Variants in IGF1R observed in about 807,000 individuals in gnomAD.
IGF1R encodes the protein insulin like growth factor 1 receptor.
Under a neutral mutation model 144.6 loss-of-function variants are expected in IGF1R, and 44 were observed. The observed-to-expected ratio is 0.30, with a 90% CI of 0.24 to 0.39. The LOEUF is 0.39. Among genes scored for constraint, IGF1R ranks in the 10% least tolerant of loss-of-function variants. The probability of loss-of-function intolerance (pLI) is 1.00; values close to 1 mark genes in which losing one functional copy is unlikely to be tolerated. For synonymous variants in IGF1R, 795 were observed against 722.8 expected, an observed-to-expected ratio of 1.10 and a Z score of -1.60; for missense variants, 1,355 against 1,833.7, an observed-to-expected ratio of 0.74 and a Z score of 4.77.
At chr15:98,884,924 C>A (rs1292845230) in intron 2 of IGF1R, among the ~76,000 whole-genome samples, 1 of 152,092 alleles carries the variant, frequency 6.6e-6, no homozygotes, top group Non-Finnish European at 1.5e-5. Flanking sequence ...CAGGGCACAC[C>A]ATCTTTCCTC....
chr15:98,957,499 G>A lies in IGF1R; in HGVS notation c.*57G>A, dbSNP rs45480091. 1.8e-4 allele frequency: 295 copies of A among 1,607,076 alleles called. No homozygotes were observed. Among genetic ancestry groups the A allele is most frequent in the East Asian group, 1.5e-3 (69 of 44,824 alleles). On this transcript the variant is annotated 3_prime_UTR_variant, in exon 21 of 21. Transcript: ENST00000650285. The stretch of plus-strand genomic sequence containing the variant: ...CGTGTGCGCACGCGCAGCGGGGTGG[G>A]GGGGGAGAGAGAGTTTTAACAATCC...
intron 2 of IGF1R, among the ~76,000 whole-genome samples, chr15:98,725,315 C>T (rs555954201): frequency 6.6e-6 from 1 of 152,158 alleles, no homozygotes; most frequent in African/African-American, 2.4e-5. Context: ...TGGAAAAAAA[C>T]AAAAACAAAA....
At chr15:98,948,292 G>C (rs967413330) in intron 19 of IGF1R, among the ~76,000 whole-genome samples, 4 of 152,174 alleles carry the variant, frequency 2.6e-5, no homozygotes, top group Admixed American at 2.6e-4. Flanking sequence ...TCAAAGCACA[G>C]ATCAGGGGCT....
At chr15:98,678,331 A>G (rs1307330493) in intron 1 of IGF1R, among the ~76,000 whole-genome samples, 1 of 152,102 alleles carries the variant, frequency 6.6e-6, no homozygotes, top group Admixed American at 6.5e-5. Flanking sequence ...TTCTCTTTAG[A>G]TGAGTTCTTT....
chr15:98,734,333 C>G (rs114406846), intron 2 of IGF1R, among the ~76,000 whole-genome samples: 2 of 152,274 alleles, frequency 1.3e-5, no homozygotes, highest in African/African-American at 4.8e-5. Context: ...GCTACAAATG[C>G]ATCCTTTTTT....
chr15:98,934,380 C>T (rs2016063787), intron 15 of IGF1R, among the ~76,000 whole-genome samples: 1 of 152,174 alleles, frequency 6.6e-6, no homozygotes, highest in Non-Finnish European at 1.5e-5. Context: ...CTACTACTCT[C>T]CTCCTTTTTA....
At chr15:98,869,925 A>G (rs2012690965) in intron 2 of IGF1R, among the ~76,000 whole-genome samples, 1 of 152,334 alleles carries the variant, frequency 6.6e-6, no homozygotes, top group Non-Finnish European at 1.5e-5. Context: ...TGAGGCAAAT[A>G]AAAATAAGGA....
chr15:98,856,409 C>G lies in IGF1R; in HGVS notation c.641-34916C>G, dbSNP rs112763821. ...TCCCCTGAGCTTTGGTTTCCTCCTC[C>G]TGGTAGCAGAGAGACTATCAGAGTG... On this transcript the variant is annotated intron_variant, in intron 2 of 20. Coordinates refer to ENST00000650285, the MANE Select transcript of IGF1R (RefSeq NM_000875.5). Among the ~76,000 whole-genome samples, 310 of 152,342 alleles carry G rather than the reference C, an allele frequency of 2.0e-3. 1 individual carries two copies. The highest frequency in any genetic ancestry group is 6.7e-3 in the African/African-American group (280 of 41,576).
chr15:98,880,236 T>C (rs1217950071), intron 2 of IGF1R, among the ~76,000 whole-genome samples: 2 of 152,208 alleles, frequency 1.3e-5, no homozygotes, highest in African/African-American at 4.8e-5. Flanking sequence ...AGCCTCCTTC[T>C]CAGCCTTTGT....
At chr15:98,836,835 C>T (rs1456659112) in intron 2 of IGF1R, among the ~76,000 whole-genome samples, 1 of 152,140 alleles carries the variant, frequency 6.6e-6, no homozygotes, top group Non-Finnish European at 1.5e-5. Flanking sequence ...CAAATTGGTT[C>T]TAATGTTTCT....
intron 2 of IGF1R, among the ~76,000 whole-genome samples, chr15:98,765,994 G>A (rs897083711): frequency 1.3e-5 from 2 of 152,172 alleles, no homozygotes; most frequent in African/African-American, 4.8e-5. Context: ...CCCTTACCAA[G>A]GTACCGTGGG....
intron 2 of IGF1R, among the ~76,000 whole-genome samples, chr15:98,837,733 T>C (rs2011112799): frequency 6.6e-6 from 1 of 152,214 alleles, no homozygotes; most frequent in South Asian, 2.1e-4. Context: ...ATTTTCTATC[T>C]TATTGTCATT....
intron 1 of IGF1R, among the ~76,000 whole-genome samples, chr15:98,689,537 C>T (rs191912902): frequency 2.6e-4 from 34 of 130,290 alleles, no homozygotes; most frequent in Non-Finnish European, 3.5e-4. Context: ...AGTTGCACTA[C>T]ATTTTTTTTT....
At chr15:98,692,157 G>GA (rs2053492706) in intron 1 of IGF1R, among the ~76,000 whole-genome samples, 1 of 152,100 alleles carries the variant, frequency 6.6e-6, no homozygotes, top group Non-Finnish European at 1.5e-5. Context: ...GCAACATGGT[G>GA]AAACCCCATC....
chr15:98,746,200 C>G (rs1360843366), intron 2 of IGF1R, among the ~76,000 whole-genome samples: 2 of 152,062 alleles, frequency 1.3e-5, no homozygotes, highest in Non-Finnish European at 2.9e-5. Context: ...AGAAGGGAAA[C>G]CAAGTAACTG....
intron 1 of IGF1R, among the ~76,000 whole-genome samples, chr15:98,654,531 AAG>A (rs1222603683): frequency 1.3e-5 from 2 of 152,194 alleles, no homozygotes; most frequent in Non-Finnish European, 2.9e-5. Flanking sequence ...GTGAGGGAGT[AAG>A]AGTGAGGAGA....
intron 13 of IGF1R, among the ~76,000 whole-genome samples, chr15:98,927,759 A>G (rs2015777623): frequency 6.6e-6 from 1 of 152,252 alleles, no homozygotes; most frequent in Non-Finnish European, 1.5e-5. Flanking sequence ...AATTTTAAAA[A>G]TTAAAATAGC....
chr15:98,849,911 C>G lies in IGF1R; in HGVS notation c.641-41414C>G, dbSNP rs573748016. ...AAAATCCAAAATATTTGATAACACA[C>G]TCTTTGGAAAACAACCCCACATGGC... is the stretch of plus-strand genomic sequence containing the variant. On this transcript the variant is annotated intron_variant, in intron 2 of 20. Coordinates refer to ENST00000650285, the MANE Select transcript of IGF1R (RefSeq NM_000875.5). Among the ~76,000 whole-genome samples the G allele has an allele frequency of 4.6e-5, 7 of 152,326 alleles. No individual in the cohort carries two copies. The South Asian group carries it at 1.5e-3, about 32-fold the overall frequency.
Position 98,750,885 on chromosome 15 carries a change from T to C in IGF1R, c.640+42778T>C, listed in dbSNP as rs537271665. Reference sequence around the variant, plus strand: ...CACTGCAGCCTCTACCTACTCAGGCTCAGGTGATCCTCTTCACCTCAGCCT... The same window carrying C: ...CACTGCAGCCTCTACCTACTCAGGCCCAGGTGATCCTCTTCACCTCAGCCT... On this transcript the variant is annotated intron_variant, in intron 2 of 20. Coordinates refer to ENST00000650285, the MANE Select transcript of IGF1R (RefSeq NM_000875.5). 1.4e-3 allele frequency among the ~76,000 whole-genome samples: 211 copies of C among 152,214 alleles called. 3 individuals are homozygous for C. The highest frequency in any genetic ancestry group is 4.8e-3 in the African/African-American group (198 of 41,544).
Sources: gnomAD v4.1 joint callset for allele counts (sites outside exome capture counted in the v4.1 genomes callset) on GRCh38, gnomAD v4.1.1 for gene constraint, MANE v1.5 for transcripts, NCBI Gene and HGNC (gene_info 2026-07-23, HGNC 2026-07-21) for gene names.